RALGPS1: variants seen among roughly 807,000 people sequenced by gnomAD.
RALGPS1 encodes ras-specific guanine nucleotide-releasing factor RalGPS1.
Under a neutral mutation model 78.8 loss-of-function variants are expected in RALGPS1, and 19 were observed. The ratio of observed to expected loss-of-function variants is 0.24; its 90% CI spans 0.17 to 0.35. RALGPS1 has a LOEUF of 0.35. RALGPS1 is among the 10% of genes least tolerant of loss of function. The pLI, the probability that RALGPS1 is intolerant of heterozygous loss-of-function variation, is 1.00. For synonymous variants in RALGPS1, 228 were observed against 256.3 expected, an observed-to-expected ratio of 0.89 and a Z score of 1.06; for missense variants, 454 against 688.3, an observed-to-expected ratio of 0.66 and a Z score of 3.81.
intron 11 of RALGPS1, among the ~76,000 whole-genome samples, chr9:127,191,669 T>A (rs1324126814): frequency 6.6e-6 from 1 of 151,694 alleles, no homozygotes; most frequent in African/African-American, 2.4e-5. Context: ...TCCATCAGGT[T>A]TTTTTGTTTT....
In RALGPS1 at chr9:127,218,033, T is replaced by C. The variant is rs572884559; in HGVS notation, c.1645-707T>C. On this transcript the variant is annotated intron_variant, in intron 18 of 18. Transcript: ENST00000259351. This position sits in a 1 kb window ranked among gnomAD's most constrained non-coding sequence, Gnocchi z 4.4. ...ACATGGAGATGCATTTTTTTCCTAA[T>C]TCATAGTTTGACCAAACTGACACCA... is the stretch of plus-strand genomic sequence containing the variant. Among the ~76,000 whole-genome samples, 4 of 152,202 alleles carry C rather than the reference T, an allele frequency of 2.6e-5. No individual in the cohort carries two copies. The highest frequency in any genetic ancestry group is 5.9e-5 in the Non-Finnish European group (4 of 68,038).
At chr9:127,107,772 G>C (rs981821376) in intron 8 of RALGPS1, 1 of 822,872 alleles carries the variant, frequency 1.2e-6, no homozygotes, top group African/African-American at 1.7e-5. Context: ...CAGCAGCTCA[G>C]CCCAAGGGAT....
chr9:127,112,182 G>C (rs2054885257), intron 8 of RALGPS1, among the ~76,000 whole-genome samples: 1 of 152,230 alleles, frequency 6.6e-6, no homozygotes, highest in Non-Finnish European at 1.5e-5. Flanking sequence ...AGAAAGGTGT[G>C]TGGGAGCTTC....
chr9:127,098,066 C>T (rs969944253), intron 8 of RALGPS1, among the ~76,000 whole-genome samples: 1 of 152,208 alleles, frequency 6.6e-6, no homozygotes, highest in South Asian at 2.1e-4. Flanking sequence ...GTTCACCCCC[C>T]CAACTAATTC....
At chr9:127,058,849 G>A (rs536521759) in intron 7 of RALGPS1, among the ~76,000 whole-genome samples, 1 of 152,314 alleles carries the variant, frequency 6.6e-6, no homozygotes, top group South Asian at 2.1e-4. Context: ...CATGTTCCCA[G>A]AGTGATTTGC....
rs535356525 is a variant in RALGPS1 at position 127,002,061 on chromosome 9, A to G, written c.216+24316A>G. ...TGCATTTTTACAAAGCAAACAAACA[A>G]TGTAGCCACCATCTGGATCAAGATG... is the stretch of plus-strand genomic sequence containing the variant. On this transcript the variant is annotated intron_variant, in intron 4 of 18. Transcript: ENST00000259351. Among the ~76,000 whole-genome samples the G allele has an allele frequency of 2.1e-4, 32 of 152,248 alleles. No homozygotes were observed. In the South Asian group the frequency reaches 6.2e-3, roughly 30 times the overall value.
intron 7 of RALGPS1, among the ~76,000 whole-genome samples, chr9:127,059,701 A>T (rs2049036244): frequency 6.6e-6 from 1 of 151,676 alleles, no homozygotes; most frequent in Admixed American, 6.6e-5. Flanking sequence ...TCTCTCCTGC[A>T]CCCTAGAACC....
intron 8 of RALGPS1, among the ~76,000 whole-genome samples, chr9:127,117,564 A>G (rs983924771): frequency 6.6e-6 from 1 of 152,194 alleles, no homozygotes; most frequent in Admixed American, 6.5e-5. Context: ...CCATGCCCAG[A>G]TAGGGAAACT....
intron 5 of RALGPS1, 130 bp downstream of exon 5, chr9:127,034,644 C>T (rs1337786795): frequency 4.0e-6 from 3 of 750,402 alleles, no homozygotes; most frequent in Non-Finnish European, 7.1e-6. Context: ...TCATATGAGT[C>T]CCCCACCTTT....
intron 8 of RALGPS1, among the ~76,000 whole-genome samples, chr9:127,137,854 A>G (rs529964622): frequency 6.6e-6 from 1 of 152,322 alleles, no homozygotes; most frequent in East Asian, 1.9e-4. Flanking sequence ...GGATATGGCC[A>G]TTTGACCTTG....
In RALGPS1 at chr9:127,196,645, G is replaced by A; in HGVS notation, c.1195+14G>A. The A allele has an allele frequency of 6.3e-7, 1 of 1,575,326 alleles. No homozygotes were observed. The highest frequency in any genetic ancestry group is 1.4e-5 in the African/African-American group (1 of 73,402). ...GACTCTCCCTAGGTAAGCGTCTCCG[G>A]CCTGCACATGATAGGCTGGTGGGCT... is the stretch of plus-strand genomic sequence containing the variant. On this transcript the variant is annotated intron_variant, in intron 13 of 18. Transcript: ENST00000259351.
At chr9:127,029,972 G>T (rs2046288530) in intron 4 of RALGPS1, among the ~76,000 whole-genome samples, 1 of 152,182 alleles carries the variant, frequency 6.6e-6, no homozygotes, top group Non-Finnish European at 1.5e-5. Context: ...TACAGGTGGG[G>T]GTATTAAGAC....
At chr9:127,160,125 T>C (rs2139403013) in intron 8 of RALGPS1, among the ~76,000 whole-genome samples, 1 of 152,232 alleles carries the variant, frequency 6.6e-6, no homozygotes, top group South Asian at 2.1e-4. Context: ...TCTGGGCTTG[T>C]GGGAAGCCCT....
At chr9:126,922,538 C>A (rs2034865788) in intron 1 of RALGPS1, among the ~76,000 whole-genome samples, 1 of 152,180 alleles carries the variant, frequency 6.6e-6, no homozygotes, top group Admixed American at 6.5e-5. Context: ...CTTTCTCTGG[C>A]ATAAAGTTCG....
intron 9 of RALGPS1, among the ~76,000 whole-genome samples, chr9:127,167,348 C>T (rs1235448920): frequency 1.3e-5 from 2 of 152,226 alleles, no homozygotes; most frequent in African/African-American, 4.8e-5. Context: ...GTGCAGGTTT[C>T]GCCTGGCCTG....
intron 11 of RALGPS1, chr9:127,177,917 G>A (rs750790447): frequency 9.0e-5 from 140 of 1,549,036 alleles, no homozygotes; most frequent in Non-Finnish European, 1.2e-4. Context: ...CCAGAAACCA[G>A]CAAGCCAGCC....
rs1226824970 is a variant in RALGPS1 at position 127,122,389 on chromosome 9, T to G, written c.611-43680T>G. The G allele has an allele frequency of 6.6e-6, 1 of 152,594 alleles. No homozygotes were observed. The highest frequency in any genetic ancestry group is 1.5e-5 in the Non-Finnish European group (1 of 68,436). 9.5% of individuals were successfully genotyped at this position (152,594 alleles called of 1,614,324 possible). A position where few individuals can be genotyped will look rare whatever the true frequency, so the allele number is the denominator to read the frequency against. On this transcript the variant is annotated intron_variant, in intron 8 of 18. Transcript: ENST00000259351. This position sits in a 1 kb window ranked among gnomAD's most constrained non-coding sequence, Gnocchi z 6.4. ...GGCCGTCAGCGGGGCAGCCTGTCCA[T>G]GGCCTCTGGAGGGGTTCCTGAGTTG...
chr9:126,968,989 G>A (rs548841219), intron 3 of RALGPS1, among the ~76,000 whole-genome samples: 5 of 152,022 alleles, frequency 3.3e-5, no homozygotes, highest in South Asian at 2.1e-4. Flanking sequence ...CAGAGGTTGC[G>A]GTGAGCCGAG....
chr9:127,212,298 C>T lies in RALGPS1; in HGVS notation c.1353+62C>T. 2.3e-6 allele frequency: 3 copies of T among 1,284,002 alleles called. No individual in the cohort carries two copies. The highest frequency in any genetic ancestry group is 3.3e-6 in the Non-Finnish European group (3 of 918,332). The allele number at this position is 1,284,002 out of a possible 1,614,324, so 79.5% of individuals were successfully genotyped here. A position where few individuals can be genotyped will look rare whatever the true frequency, so the allele number is the denominator to read the frequency against. On this transcript the variant is annotated intron_variant, in intron 15 of 18. Coordinates refer to ENST00000259351, the MANE Select transcript of RALGPS1 (RefSeq NM_014636.3). The surrounding 1 kb of genome is among the most constrained non-coding windows in gnomAD (Gnocchi z 6.0). ...CTTCCACATCTGTAAATAGTGCCCA[C>T]TCCTAGAGGTCTCAGCAAAAGTCAC...
Sources: gnomAD v4.1 joint callset for allele counts (sites outside exome capture counted in the v4.1 genomes callset) on GRCh38, gnomAD v4.1.1 for gene constraint, Gnocchi (gnomAD v3.1) non-coding constraint, MANE v1.5 for transcripts, NCBI Gene and HGNC (gene_info 2026-07-23, HGNC 2026-07-21) for gene names.